FRMD3: variants seen among roughly 807,000 people sequenced by gnomAD.
FRMD3 encodes the protein FERM domain-containing protein 3.
Under a neutral mutation model 70.2 loss-of-function variants are expected in FRMD3, and 33 were observed. That is an observed-to-expected ratio of 0.47 (90% CI 0.36 to 0.63). The LOEUF (loss-of-function observed/expected upper bound fraction) is 0.63. Ranked by LOEUF, FRMD3 falls within the 20% of genes least tolerant of loss-of-function variation. The pLI is 0.00. For missense variants in FRMD3, 632 were observed against 711.4 expected, an observed-to-expected ratio of 0.89 and a Z score of 1.27; for synonymous variants, 279 against 255.9, an observed-to-expected ratio of 1.09 and a Z score of -0.86.
intron 4 of FRMD3, among the ~76,000 whole-genome samples, chr9:83,346,993 G>T (rs1823985173): frequency 1.3e-5 from 2 of 152,190 alleles, no homozygotes; most frequent in South Asian, 4.1e-4. Flanking sequence ...CAAATACCAT[G>T]AAGTTTCTTT....
At chr9:83,534,460 C>T (rs1334859356) in intron 1 of FRMD3, among the ~76,000 whole-genome samples, 1 of 152,190 alleles carries the variant, frequency 6.6e-6, no homozygotes, top group Non-Finnish European at 1.5e-5. Context: ...CTTTCCTATC[C>T]TCTATGCAGT....
chr9:83,547,657 T>C, the FRMD3 span, among the ~76,000 whole-genome samples: 4 of 152,144 alleles, frequency 2.6e-5, no homozygotes, highest in African/African-American at 4.8e-5. Context: ...AAAGAAACTC[T>C]GGACTTAAAT....
chr9:83,411,914 G>T (rs1442652040), intron 1 of FRMD3, among the ~76,000 whole-genome samples: 2 of 152,146 alleles, frequency 1.3e-5, no homozygotes, highest in Non-Finnish European at 2.9e-5. Flanking sequence ...GGATCAGTCT[G>T]CATAGAATTG....
chr9:83,440,781 G>C (rs1266115694), intron 1 of FRMD3, among the ~76,000 whole-genome samples: 1 of 152,216 alleles, frequency 6.6e-6, no homozygotes, highest in East Asian at 1.9e-4. Context: ...GATAGGAATA[G>C]GGGCCTGTGC....
At chr9:83,392,477 C>G (rs1825693111) in intron 1 of FRMD3, among the ~76,000 whole-genome samples, 1 of 152,068 alleles carries the variant, frequency 6.6e-6, no homozygotes, top group Admixed American at 6.5e-5. Flanking sequence ...CAGCTACTGC[C>G]CATATACCTC....
intron 2 of FRMD3, among the ~76,000 whole-genome samples, chr9:83,382,928 C>T (rs1825401026): frequency 6.6e-6 from 1 of 152,154 alleles, no homozygotes; most frequent in South Asian, 2.1e-4. Flanking sequence ...TGCATCCCAA[C>T]TCAAAACGTT....
Position 83,468,913 on chromosome 9 carries a change from G to T in FRMD3, c.147+69172C>A, listed in dbSNP as rs149141297. Among the ~76,000 whole-genome samples the T allele has an allele frequency of 2.3e-3, 346 of 152,284 alleles. 4 individuals are homozygous for T. Among genetic ancestry groups the T allele is most frequent in the East Asian group, 0.018 (94 of 5,174 alleles). On this transcript the variant is annotated intron_variant, in intron 1 of 13. Coordinates refer to ENST00000304195, the MANE Select transcript of FRMD3 (RefSeq NM_174938.6). ...GCAGCCAGCTAGCCATATAATGGCC[G>T]TGGCTTTGACTTCCAGCTCCACCTT...
chr9:83,390,561 A>C (rs370913429), intron 1 of FRMD3, among the ~76,000 whole-genome samples: 24 of 152,332 alleles, frequency 1.6e-4, no homozygotes, highest in African/African-American at 5.3e-4. Context: ...CGGTAAAATA[A>C]GGTGGTTGGA....
chr9:83,402,280 T>C (rs907491394), intron 1 of FRMD3, among the ~76,000 whole-genome samples: 5 of 141,900 alleles, frequency 3.5e-5, no homozygotes, highest in Non-Finnish European at 7.7e-5. Flanking sequence ...CCTCCTGAAA[T>C]TGCATACGAG....
At chr9:83,336,866 T>C (rs1038343089) in intron 5 of FRMD3, among the ~76,000 whole-genome samples, 2 of 151,736 alleles carry the variant, frequency 1.3e-5, no homozygotes, top group Non-Finnish European at 2.9e-5. Context: ...TATCAACCAA[T>C]TGCCGATGCT....
chr9:83,438,188 G>A (rs1399812815), intron 1 of FRMD3, among the ~76,000 whole-genome samples: 2 of 152,122 alleles, frequency 1.3e-5, no homozygotes, highest in Admixed American at 1.3e-4. Context: ...ATTTTCTGAA[G>A]CAAGCCACAA....
chr9:83,420,993 T>C (rs1826622131), intron 1 of FRMD3, among the ~76,000 whole-genome samples: 1 of 128,914 alleles, frequency 7.8e-6, no homozygotes, highest in Non-Finnish European at 1.6e-5. Context: ...CAGGCTGGAG[T>C]GCAGTGGCGC....
Position 83,245,477 on chromosome 9 carries a change from AC to A in FRMD3, c.*2440del. 1 of 984,664 alleles carries A rather than the reference AC, an allele frequency of 1.0e-6. No individual in the cohort carries two copies. The highest frequency in any genetic ancestry group is 6.1e-5 in the Admixed American group (1 of 16,284). 61.0% of individuals were successfully genotyped at this position (984,664 alleles called of 1,614,324 possible). A position where few individuals can be genotyped will look rare whatever the true frequency, so the allele number is the denominator to read the frequency against. Reference sequence around the variant, plus strand: ...ATTCTGTCAACTTCTTCACTTAAAAACATTTCTATTCAACAATGAAGTTTCC... The same window carrying A: ...ATTCTGTCAACTTCTTCACTTAAAAAATTTCTATTCAACAATGAAGTTTCC... On this transcript the variant is annotated 3_prime_UTR_variant, in exon 14 of 14. Transcript: ENST00000304195.
rs370741927 is a variant in FRMD3, at chr9:83,299,119, G to A, written c.994C>T (p.Arg332Ter). ...GGAACCATTGGTACCCACCTATATC[G>A]AAATCTACTTCCTTTAAAAAATATC... ...SKIFFKGSRF[R>*]YSGKVAKEVV... The change falls in exon 11 of 14, where the codon CGA becomes TGA. Residue 332 changes from arginine (R) to a stop codon, truncating the protein, a stop_gained. Transcript: ENST00000304195. LOFTEE classifies it high-confidence loss of function. 7 of 1,607,778 alleles carry A rather than the reference G, an allele frequency of 4.4e-6. No homozygotes were observed. The highest frequency in any genetic ancestry group is 1.3e-5 in the African/African-American group (1 of 74,864).
rs1832215556 is a variant in FRMD3 at position 83,248,244 on chromosome 9, C to T, written c.1468G>A (p.Glu490Lys). ...TDSFEDLEADENAFLIAEEEE... is the reference protein window; with the variant it reads ...TDSFEDLEADKNAFLIAEEEE... The stretch of plus-strand genomic sequence containing the variant: ...TCTTCAGCAATCAAAAAGGCGTTTT[C>T]ATCTGCTTCCAGATCCTCAAATGAA... Residue 490 changes from glutamate (E) to lysine (K), a missense_variant, in exon 14 of 14, where the codon GAA (glutamate) becomes AAA (lysine). Physicochemically the swap from Glu to Lys is moderately conservative, Grantham distance 56. Around this residue, in one of 3 missense-constraint regions of FRMD3, gnomAD observed 418 missense variants for 442.1 expected, o/e 0.95. Coordinates refer to ENST00000304195, the MANE Select transcript of FRMD3 (RefSeq NM_174938.6). 6.2e-7 allele frequency: 1 copy of T among 1,614,088 alleles called. No homozygotes were observed. The highest frequency in any genetic ancestry group is 1.3e-5 in the African/African-American group (1 of 74,934).
At chr9:83,413,875 T>C (rs984434314) in intron 1 of FRMD3, among the ~76,000 whole-genome samples, 3 of 152,190 alleles carry the variant, frequency 2.0e-5, no homozygotes, top group Non-Finnish European at 2.9e-5. Context: ...CTTGCCAGAA[T>C]GTAGCCAGGC....
At chr9:83,475,741 G>A (rs986475948) in intron 1 of FRMD3, among the ~76,000 whole-genome samples, 2 of 152,098 alleles carry the variant, frequency 1.3e-5, no homozygotes, top group African/African-American at 4.8e-5. Context: ...AAAAGAACAT[G>A]ATGTTTTCTG....
At chr9:83,544,683 G>A in the FRMD3 span, among the ~76,000 whole-genome samples, 164 of 152,242 alleles carry the variant, frequency 1.1e-3, no homozygotes, top group Non-Finnish European at 1.9e-3. Context: ...TTCTATCTCC[G>A]TCTTTACAGG....
chr9:83,387,813 T>TG (rs1257030542), intron 2 of FRMD3, among the ~76,000 whole-genome samples: 1 of 152,214 alleles, frequency 6.6e-6, no homozygotes, highest in East Asian at 1.9e-4. Context: ...AAAGCTGGCT[T>TG]GGCTGCATCA....
Sources: gnomAD v4.1 joint callset for allele counts (sites outside exome capture counted in the v4.1 genomes callset) on GRCh38, gnomAD v4.1.1 for gene constraint, gnomAD v4.1.1 regional missense constraint, MANE v1.5 for transcripts, NCBI Gene and HGNC (gene_info 2026-07-23, HGNC 2026-07-21) for gene names.